Variants in VRK3 observed in about 807,000 individuals in gnomAD.
The protein encoded by VRK3 is VRK serine/threonine kinase 3, also known as serine/threonine-protein kinase VRK3.
Under a neutral mutation model 60.4 loss-of-function variants are expected in VRK3, and 50 were observed. The observed-to-expected ratio is 0.83, with a 90% CI of 0.66 to 1.05. The LOEUF is 1.05. VRK3 is among the 50% of genes least tolerant of loss of function. The pLI, the probability that VRK3 is intolerant of heterozygous loss-of-function variation, is 0.00. For synonymous variants in VRK3, 246 were observed against 227.8 expected, an observed-to-expected ratio of 1.08 and a Z score of -0.72; for missense variants, 549 against 585.3, an observed-to-expected ratio of 0.94 and a Z score of 0.64.
chr19:50,010,377 C>T (rs2076974672), intron 3 of VRK3, among the ~76,000 whole-genome samples: 1 of 152,140 alleles, frequency 6.6e-6, no homozygotes, highest in South Asian at 2.1e-4. Context: ...AGCTTATTTC[C>T]TGGTGTCTTT....
At chr19:49,990,711 T>C (rs1460713751) in intron 10 of VRK3, among the ~76,000 whole-genome samples, 3 of 150,712 alleles carry the variant, frequency 2.0e-5, no homozygotes, top group Non-Finnish European at 4.4e-5. Flanking sequence ...GTTTTGTCTA[T>C]GTAAGACCTA....
rs2076573986 is a variant in VRK3, at chr19:49,989,549, C to T, written c.1096+90G>A. On this transcript the variant is annotated intron_variant, in intron 11 of 14. Coordinates refer to ENST00000316763, the MANE Select transcript of VRK3 (RefSeq NM_016440.4). ...CGCCCTTAGTGCCTCTCCTGTCTGGCCACCTGCTGTCTCTGGCTGTGAACT... is the reference window on the plus strand; with the variant it reads ...CGCCCTTAGTGCCTCTCCTGTCTGGTCACCTGCTGTCTCTGGCTGTGAACT... 6.8e-6 allele frequency: 10 copies of T among 1,477,946 alleles called. No individual in the cohort carries two copies. In the Admixed American group the frequency reaches 8.8e-5, roughly 13 times the overall value. 91.6% of individuals were successfully genotyped at this position (1,477,946 alleles called of 1,614,324 possible). A position where few individuals can be genotyped will look rare whatever the true frequency, so the allele number is the denominator to read the frequency against.
At chr19:50,009,145 G>T in intron 4 of VRK3, 91 bp downstream of exon 4, 1 of 1,451,606 alleles carries the variant, frequency 6.9e-7, no homozygotes, top group Non-Finnish European at 9.4e-7. Flanking sequence ...TGATGTTTGA[G>T]CCGGGGCTGT....
intron 7 of VRK3, 137 bp from the exon 8 acceptor site, chr19:49,995,412 T>C: frequency 2.9e-6 from 2 of 701,534 alleles, no homozygotes; most frequent in Non-Finnish European, 4.9e-6. Context: ...ACATTGTGGG[T>C]GGGTGATGGT....
intron 3 of VRK3, among the ~76,000 whole-genome samples, chr19:50,013,427 G>C (rs1377519236): frequency 6.6e-6 from 1 of 152,206 alleles, no homozygotes; most frequent in African/African-American, 2.4e-5. Flanking sequence ...ATACTTGCCA[G>C]TGAAAGAAAA....
intron 3 of VRK3, among the ~76,000 whole-genome samples, chr19:50,014,112 T>G: frequency 6.6e-6 from 1 of 151,258 alleles, no homozygotes; most frequent in East Asian, 2.0e-4. Flanking sequence ...ACTGAAAATA[T>G]AAAAATCAGC....
intron 12 of VRK3, chr19:49,982,001 T>C (rs983064615): frequency 1.6e-6 from 1 of 642,172 alleles, no homozygotes. Flanking sequence ...GGCCGTCAAG[T>C]AGGCTGTCTG....
chr19:50,008,390 C>T (rs936527788), intron 4 of VRK3, among the ~76,000 whole-genome samples: 2 of 152,116 alleles, frequency 1.3e-5, no homozygotes, highest in Non-Finnish European at 2.9e-5. Flanking sequence ...GAAAAGACAT[C>T]GCTTACTCTG....
chr19:50,017,913 A>G (rs930028155), intron 2 of VRK3, among the ~76,000 whole-genome samples: 9 of 152,154 alleles, frequency 5.9e-5, no homozygotes, highest in African/African-American at 2.2e-4. Flanking sequence ...CTCCGGCCTC[A>G]GCCTCCCAAA....
chr19:49,977,169 T>C (rs1043874073), intron 14 of VRK3, among the ~76,000 whole-genome samples: 2 of 150,960 alleles, frequency 1.3e-5, no homozygotes, highest in Admixed American at 6.6e-5. Flanking sequence ...GTGCAAAGGT[T>C]CCGGGGTGGG....
intron 4 of VRK3, among the ~76,000 whole-genome samples, chr19:50,008,505 T>TGGCTTC (rs2076940114): frequency 1.3e-5 from 2 of 152,310 alleles, no homozygotes; most frequent in South Asian, 4.1e-4. Flanking sequence ...ACTGTGGCTG[T>TGGCTTC]GGCTTCAGAT....
At position 49,995,331 on chromosome 19, in the gene VRK3, T is replaced by C. The variant is rs553536551; in HGVS notation, c.680-56A>G. On this transcript the variant is annotated intron_variant, in intron 7 of 14. Transcript: ENST00000316763. ...CCACCCAGTCCCAAGCCCATGGCAG[T>C]AAGAGCTAGTTCTCAGAGAAGAAGC... 8.6e-6 allele frequency: 13 copies of C among 1,515,250 alleles called. No homozygotes were observed. The South Asian group carries it at 1.5e-4, about 17-fold the overall frequency. 93.9% of individuals were successfully genotyped at this position (1,515,250 alleles called of 1,614,324 possible). A position where few individuals can be genotyped will look rare whatever the true frequency, so the allele number is the denominator to read the frequency against.
chr19:49,982,504 T>C (rs2076440842), intron 12 of VRK3, among the ~76,000 whole-genome samples: 4 of 152,060 alleles, frequency 2.6e-5, no homozygotes, highest in Admixed American at 2.6e-4. Context: ...AAATGTATCA[T>C]TAACTAAACA....
intron 6 of VRK3, chr19:49,999,479 G>C (rs1370392558): frequency 6.6e-6 from 1 of 152,430 alleles, no homozygotes; most frequent in Non-Finnish European, 1.5e-5. Context: ...GTTCACAGGA[G>C]GTTGCAGGAA....
chr19:50,001,113 T>C, intron 5 of VRK3: 1 of 402,344 alleles, frequency 2.5e-6, no homozygotes, highest in South Asian at 3.6e-5. Context: ...TCTGGGACCC[T>C]GGATTCCGGG....
intron 1 of VRK3, among the ~76,000 whole-genome samples, chr19:50,022,524 G>A (rs10415168): frequency 0.052 from 7,973 of 152,108 alleles, 690 homozygotes; most frequent in African/African-American, 0.18. Context: ...GGTGGCTCAC[G>A]CCTGTGATCC....
Position 49,981,997 on chromosome 19 carries a change from C to G in VRK3, c.1218-984G>C, listed in dbSNP as rs73932224. 7.0e-5 allele frequency: 45 copies of G among 641,444 alleles called. No individual in the cohort carries two copies. The African/African-American group carries it at 7.2e-4, about 10-fold the overall frequency. 39.7% of individuals were successfully genotyped at this position (641,444 alleles called of 1,614,324 possible). On this transcript the variant is annotated intron_variant, in intron 12 of 14. Coordinates refer to ENST00000316763, the MANE Select transcript of VRK3 (RefSeq NM_016440.4). ...GGAATGTGGGGGCCAGCGGGGCCGT[C>G]AAGTAGGCTGTCTGTGGCTGACTCA...
chr19:49,996,528 G>C (rs1165719257), intron 7 of VRK3, among the ~76,000 whole-genome samples: 1 of 152,134 alleles, frequency 6.6e-6, no homozygotes, highest in African/African-American at 2.4e-5. Context: ...AGAGATCACA[G>C]GACATGTAGG....
At chr19:49,992,982 T>C (rs372271171) in intron 9 of VRK3, 30 bp from the exon 10 acceptor site, 1 of 1,595,618 alleles carries the variant, frequency 6.3e-7, no homozygotes, top group Non-Finnish European at 8.5e-7. Flanking sequence ...AGTGTCTGCA[T>C]GAGCAGTACG....
Sources: allele counts gnomAD v4.1 joint callset (sites outside exome capture counted in the v4.1 genomes callset), GRCh38; gene constraint gnomAD v4.1.1; transcripts MANE v1.5; gene names NCBI Gene and HGNC (gene_info 2026-07-23, HGNC 2026-07-21).